TBC1D4: variants seen among roughly 807,000 people sequenced by gnomAD.
TBC1D4 encodes TBC1 domain family member 4.
A neutral mutation model predicts 142.5 loss-of-function variants in TBC1D4; 121 were observed. The ratio of observed to expected loss-of-function variants is 0.85; its 90% CI spans 0.73 to 0.99. The LOEUF is 0.99. Ranked by LOEUF, TBC1D4 falls within the 50% of genes least tolerant of loss-of-function variation. The pLI is 0.00. For missense variants in TBC1D4, 1,475 were observed against 1,606.6 expected (o/e 0.92, Z 1.40); for synonymous variants, 630 against 628.2 (o/e 1.00, Z -0.04).
At position 75,349,256 on chromosome 13, in the gene TBC1D4, G is replaced by A. The variant is rs747822083; in HGVS notation, c.1322C>T (p.Ala441Val). 1 of 1,613,876 alleles carries A rather than the reference G, an allele frequency of 6.2e-7. No homozygotes were observed. The highest frequency in any genetic ancestry group is 1.1e-5 in the South Asian group (1 of 91,080). ...CTGCGTCTTGGCACTCTGCAGGGCA[G>A]CCGCCGTACTGAAGGCCTGTTTCAG... ...LTLKQAFSTA[A>V]ALQSAKTQIK... is the part of the protein sequence containing the mutation. The change falls in exon 5 of 21, where the codon GCT becomes GTT. Residue 441 changes from alanine to valine, a missense_variant. Physicochemically the swap from Ala to Val is moderately conservative, Grantham distance 64 (BLOSUM62 0). Coordinates refer to ENST00000377636, the MANE Select transcript of TBC1D4 (RefSeq NM_014832.5).
chr13:75,306,465 C>T lies in TBC1D4; in HGVS notation c.2600G>A (p.Arg867Lys). Reference protein sequence around the residue: ...EKENQKLEASRDELQSRKVKL... With the variant: ...EKENQKLEASKDELQSRKVKL... ...AACTTTTCTGGACTGGAGTTCATCTCTGCTTGCTAAGGAAAAAAACAATTT... is the reference window on the plus strand; with the variant it reads ...AACTTTTCTGGACTGGAGTTCATCTTTGCTTGCTAAGGAAAAAAACAATTT... The change falls in exon 15 of 21, where the codon AGA (arginine) becomes AAA (lysine). Residue 867 changes from arginine (R) to lysine (K), a missense_variant. Physicochemically the swap from Arg to Lys is conservative, Grantham distance 26 (BLOSUM62 2). Coordinates refer to ENST00000377636, the MANE Select transcript of TBC1D4 (RefSeq NM_014832.5). 1 of 1,613,066 alleles carries T rather than the reference C, an allele frequency of 6.2e-7. No individual in the cohort carries two copies. Among genetic ancestry groups the T allele is most frequent in the South Asian group, 1.1e-5 (1 of 91,062 alleles).
intron 7 of TBC1D4, among the ~76,000 whole-genome samples, chr13:75,340,861 G>A (rs1303628837): frequency 6.6e-6 from 1 of 152,150 alleles, no homozygotes; most frequent in Non-Finnish European, 1.5e-5. Flanking sequence ...CAGAAGAATC[G>A]CTTGAACCCG....
intron 1 of TBC1D4, among the ~76,000 whole-genome samples, chr13:75,395,288 C>T (rs548350946): frequency 1.3e-5 from 2 of 152,190 alleles, no homozygotes; most frequent in African/African-American, 2.4e-5. Flanking sequence ...CGCCGTGCCT[C>T]TTTCTGGTAT....
intron 8 of TBC1D4, 34 bp from the exon 9 acceptor site, chr13:75,327,860 T>C: frequency 6.2e-7 from 1 of 1,608,058 alleles, no homozygotes. Flanking sequence ...GTGCTTCGTG[T>C]GATTTAAAAT....
At chr13:75,371,912 A>G (rs1883244146) in intron 1 of TBC1D4, among the ~76,000 whole-genome samples, 1 of 152,248 alleles carries the variant, frequency 6.6e-6, no homozygotes, top group Non-Finnish European at 1.5e-5. Context: ...TAAGAATAAC[A>G]TACTTTGATT....
intron 1 of TBC1D4, among the ~76,000 whole-genome samples, chr13:75,465,240 T>C (rs9565164): frequency 0.05 from 7,582 of 152,268 alleles, 378 homozygotes; most frequent in East Asian, 0.23. Context: ...TGTTTTTCAC[T>C]TAGTTTTGTC....
intron 1 of TBC1D4, among the ~76,000 whole-genome samples, chr13:75,368,283 A>T (rs1883034328): frequency 6.6e-6 from 1 of 152,210 alleles, no homozygotes; most frequent in African/African-American, 2.4e-5. Flanking sequence ...TTAACATCAA[A>T]AGTCAAACCA....
At chr13:75,329,811 C>G (rs1031188071) in intron 8 of TBC1D4, among the ~76,000 whole-genome samples, 2 of 152,194 alleles carry the variant, frequency 1.3e-5, no homozygotes, top group Non-Finnish European at 2.9e-5. Context: ...AGAAATTTTG[C>G]TTCCAAATAT....
At chr13:75,327,145 G>A (rs539718730) in intron 9 of TBC1D4, among the ~76,000 whole-genome samples, 29 of 152,202 alleles carry the variant, frequency 1.9e-4, no homozygotes, top group Non-Finnish European at 3.4e-4. Context: ...TCCAGAACAG[G>A]CACCACTGTA....
intron 1 of TBC1D4, among the ~76,000 whole-genome samples, chr13:75,402,654 AACACAC>A (rs56176942): frequency 0.12 from 17,385 of 142,338 alleles, 1,080 homozygotes; most frequent in Non-Finnish European, 0.15. Flanking sequence ...ATCCCTAGTA[AACACAC>A]ACACACACAC....
At position 75,284,020 on chromosome 13, in the gene TBC1D4, C is replaced by A. The variant is rs1005040106; in HGVS notation, c.*2772G>T. 2.0e-5 allele frequency among the ~76,000 whole-genome samples: 3 copies of A among 152,106 alleles called. No homozygotes were observed. Among genetic ancestry groups the A allele is most frequent in the Admixed American group, 1.3e-4 (2 of 15,270 alleles). The stretch of plus-strand genomic sequence containing the variant: ...TCCCAGGTTCAAACTATTCTCCAGC[C>A]TCCTATAAGTAGCAATATATGCCTC... On this transcript the variant is annotated 3_prime_UTR_variant, in exon 21 of 21. Transcript: ENST00000377636.
intron 1 of TBC1D4, among the ~76,000 whole-genome samples, chr13:75,419,054 TTCTC>T (rs550956617): frequency 6.6e-6 from 1 of 152,038 alleles, no homozygotes; most frequent in Non-Finnish European, 1.5e-5. Flanking sequence ...TTGTTTTACT[TTCTC>T]TCTCTTTCAC....
intron 17 of TBC1D4, among the ~76,000 whole-genome samples, chr13:75,296,339 C>T (rs1875925354): frequency 1.3e-5 from 2 of 151,550 alleles, no homozygotes; most frequent in Non-Finnish European, 2.9e-5. Flanking sequence ...TTGGTAAGCA[C>T]AAAAATCAAA....
In TBC1D4 at chr13:75,302,295, C is replaced by A; in HGVS notation, c.2859G>T (p.Lys953Asn). The change falls in exon 16 of 21, where the codon AAG becomes AAT. Residue 953 changes from lysine to asparagine, a missense_variant. Physicochemically the swap from Lys to Asn is moderately conservative, Grantham distance 94 (BLOSUM62 0). Coordinates refer to ENST00000377636, the MANE Select transcript of TBC1D4 (RefSeq NM_014832.5). ...GAGCAGTGAGCTGCTTCAAAAGTTC[C>A]TTATAGGATATGTCAGGAGGCTGTT... ...NKQQPPDISY[K>N]ELLKQLTAQQ... The A allele has an allele frequency of 6.2e-7, 1 of 1,614,168 alleles. No homozygotes were observed. The highest frequency in any genetic ancestry group is 8.5e-7 in the Non-Finnish European group (1 of 1,180,028).
In TBC1D4 at chr13:75,294,707, C is replaced by A. The variant is rs1593867898; in HGVS notation, c.3316+147G>T. The A allele has an allele frequency of 9.5e-6, 8 of 841,372 alleles. No individual in the cohort carries two copies. The East Asian group carries it at 2.2e-4, about 23-fold the overall frequency. The allele number at this position is 841,372 out of a possible 1,614,324, so 52.1% of individuals were successfully genotyped here. A position where few individuals can be genotyped will look rare whatever the true frequency, so the allele number is the denominator to read the frequency against. The stretch of plus-strand genomic sequence containing the variant: ...ATGATTTTAAGTTACTGTCAGAACA[C>A]AGCCAGGCACATTTATTAAATTCCA... On this transcript the variant is annotated intron_variant, in intron 18 of 20. Coordinates refer to ENST00000377636, the MANE Select transcript of TBC1D4 (RefSeq NM_014832.5).
At chr13:75,413,384 T>C (rs903762569) in intron 1 of TBC1D4, among the ~76,000 whole-genome samples, 1 of 152,126 alleles carries the variant, frequency 6.6e-6, no homozygotes, top group African/African-American at 2.4e-5. Context: ...GTGGTCTCGA[T>C]CTCTTGACCT....
At chr13:75,466,074 T>C (rs930458428) in intron 1 of TBC1D4, among the ~76,000 whole-genome samples, 3 of 152,190 alleles carry the variant, frequency 2.0e-5, no homozygotes, top group African/African-American at 7.2e-5. Context: ...TTCAGGATCA[T>C]CTGAGAGCTG....
chr13:75,410,556 A>T (rs1885596343), intron 1 of TBC1D4, among the ~76,000 whole-genome samples: 1 of 152,336 alleles, frequency 6.6e-6, no homozygotes, highest in East Asian at 1.9e-4. Context: ...GTGCAGGTCT[A>T]TATTTGGTTA....
At chr13:75,316,078 AACCAGAGTTG>A (rs1878292101) in intron 12 of TBC1D4, among the ~76,000 whole-genome samples, 2 of 152,336 alleles carry the variant, frequency 1.3e-5, no homozygotes, top group South Asian at 4.1e-4. Flanking sequence ...TGCTCTAACA[AACCAGAGTTG>A]ACCAAATCAG....
Sources: gnomAD v4.1 joint callset for allele counts (sites outside exome capture counted in the v4.1 genomes callset) on GRCh38, gnomAD v4.1.1 for gene constraint, MANE v1.5 for transcripts, NCBI Gene and HGNC (gene_info 2026-07-23, HGNC 2026-07-21) for gene names.